ARHGEF26: variants seen among roughly 807,000 people sequenced by gnomAD.
ARHGEF26 encodes the protein Rho guanine nucleotide exchange factor 26.
ARHGEF26 carries 59 observed loss-of-function variants against 89.4 expected under a neutral mutation model. The observed-to-expected ratio is 0.66, with a 90% CI of 0.54 to 0.82. The LOEUF is 0.82. Among genes scored for constraint, ARHGEF26 ranks in the 40% least tolerant of loss-of-function variants. ARHGEF26 has a pLI of 0.00. For missense variants in ARHGEF26, 1,234 were observed against 1,085.6 expected, an observed-to-expected ratio of 1.14 and a Z score of -1.92; for synonymous variants, 500 against 428.4, an observed-to-expected ratio of 1.17 and a Z score of -2.06.
chr3:154,173,437 TAA>T (rs1257267097), intron 6 of ARHGEF26, among the ~76,000 whole-genome samples: 3 of 152,128 alleles, frequency 2.0e-5, no homozygotes, highest in Non-Finnish European at 4.4e-5. Context: ...AATTGAACTG[TAA>T]AAGTTCTCAA....
At chr3:154,127,064 G>A (rs1718374901) in intron 3 of ARHGEF26, among the ~76,000 whole-genome samples, 1 of 152,168 alleles carries the variant, frequency 6.6e-6, no homozygotes, top group South Asian at 2.1e-4. Context: ...ACCGTGAATG[G>A]AGCTTGCAGT....
intron 4 of ARHGEF26, among the ~76,000 whole-genome samples, chr3:154,135,234 A>G (rs1439971821): frequency 6.6e-6 from 1 of 152,026 alleles, no homozygotes; most frequent in African/African-American, 2.4e-5. Context: ...TAGGCTATTT[A>G]TTACTGCCTC....
chr3:154,144,277 A>G (rs1003163218), intron 4 of ARHGEF26, among the ~76,000 whole-genome samples: 1 of 152,152 alleles, frequency 6.6e-6, no homozygotes, highest in South Asian at 2.1e-4. Flanking sequence ...CAGCTTTCCA[A>G]TTATTAGGGT....
intron 4 of ARHGEF26, among the ~76,000 whole-genome samples, chr3:154,132,117 A>G (rs1718713539): frequency 6.6e-6 from 1 of 152,118 alleles, no homozygotes. Flanking sequence ...GCCACTTAGC[A>G]TTACTTAGGC....
intron 3 of ARHGEF26, among the ~76,000 whole-genome samples, chr3:154,128,436 A>G (rs1560040086): frequency 6.6e-6 from 1 of 151,948 alleles, no homozygotes; most frequent in Non-Finnish European, 1.5e-5. Context: ...GCAGGATCTC[A>G]CTATGTTGCC....
chr3:154,183,299 GA>G (rs1167636362), intron 6 of ARHGEF26, among the ~76,000 whole-genome samples: 3 of 151,426 alleles, frequency 2.0e-5, no homozygotes, highest in African/African-American at 7.3e-5. Flanking sequence ...GCTTTACAGG[GA>G]AAAAAAAGAT....
chr3:154,183,528 C>T (rs141324625), intron 6 of ARHGEF26, among the ~76,000 whole-genome samples: 114 of 152,234 alleles, frequency 7.5e-4, no homozygotes, highest in African/African-American at 2.6e-3. Context: ...TTTGATTCAC[C>T]GGCATTCTTG....
intron 6 of ARHGEF26, among the ~76,000 whole-genome samples, chr3:154,186,163 A>ACACACACACACC (rs1302150857): frequency 6.6e-6 from 1 of 150,824 alleles, no homozygotes; most frequent in African/African-American, 2.5e-5. Context: ...ACACACACAC[A>ACACACACACACC]CACCCCTATA....
chr3:154,228,441 T>TTTTTTTTTTCTTTTTC (rs1716627102), intron 11 of ARHGEF26, among the ~76,000 whole-genome samples: 2 of 151,704 alleles, frequency 1.3e-5, no homozygotes, highest in Non-Finnish European at 2.9e-5. Flanking sequence ...CTGGCCTTTT[T>TTTTTTTTTTCTTTTTC]TTTTTTTTCT....
rs35181733 is a variant in ARHGEF26, at chr3:154,208,763, ATT to A, written c.1846-9087_1846-9086del. The stretch of plus-strand genomic sequence containing the variant: ...GTGCAGTATTCAGTATGCCAATTGC[ATT>A]TTTTTTTTTTTTTTTTTTGAGATGG... On this transcript the variant is annotated intron_variant, in intron 9 of 14. Coordinates refer to ENST00000465093, the MANE Select transcript of ARHGEF26 (RefSeq NM_015595.4). Among the ~76,000 whole-genome samples, 9 of 107,358 alleles carry A rather than the reference ATT, an allele frequency of 8.4e-5. No homozygotes were observed. The East Asian group carries it at 8.4e-4, about 10-fold the overall frequency. 70.4% of individuals were successfully genotyped at this position (107,358 alleles called of 152,430 possible). A position where few individuals can be genotyped will look rare whatever the true frequency, so the allele number is the denominator to read the frequency against.
intron 6 of ARHGEF26, among the ~76,000 whole-genome samples, chr3:154,156,336 C>T (rs1720337520): frequency 6.6e-6 from 1 of 151,966 alleles, no homozygotes. Flanking sequence ...AATTTTATCT[C>T]TGTCATAGCT....
intron 10 of ARHGEF26, among the ~76,000 whole-genome samples, chr3:154,222,758 G>A (rs1436099497): frequency 6.6e-6 from 1 of 152,060 alleles, no homozygotes; most frequent in African/African-American, 2.4e-5. Flanking sequence ...GATAACTAGA[G>A]GATTCACAAA....
At position 154,129,689 on chromosome 3, in the gene ARHGEF26, A is replaced by G. The variant is rs1373117813; in HGVS notation, c.1239A>G (p.Pro413=). 3.7e-6 allele frequency: 6 copies of G among 1,612,516 alleles called. No individual in the cohort carries two copies. The highest frequency in any genetic ancestry group is 3.3e-5 in the South Asian group (3 of 90,580). ...AAAAAATTGTGATTCACCATAAGCC[A>G]TTGAGATCCACATGGAGCCAACTCT... ...SDEKIVIHHK[P]LRSTWSQLSA... The change falls in exon 4 of 15, where the codon CCA becomes CCG. Residue 413 remains proline (P), a synonymous_variant. Transcript: ENST00000465093.
At chr3:154,209,452 G>A (rs966320660) in intron 9 of ARHGEF26, among the ~76,000 whole-genome samples, 10 of 152,170 alleles carry the variant, frequency 6.6e-5, no homozygotes, top group African/African-American at 2.4e-4. Flanking sequence ...TGTGATCTAA[G>A]CTGTATCTGC....
intron 4 of ARHGEF26, among the ~76,000 whole-genome samples, chr3:154,135,134 G>T (rs62279469): frequency 7.2e-5 from 11 of 151,908 alleles, no homozygotes; most frequent in Non-Finnish European, 1.5e-4. Flanking sequence ...ATTTTTTTTG[G>T]AATAGTTTCA....
intron 11 of ARHGEF26, among the ~76,000 whole-genome samples, chr3:154,234,440 C>T (rs1194969517): frequency 6.6e-6 from 1 of 152,182 alleles, no homozygotes; most frequent in Non-Finnish European, 1.5e-5. Context: ...AGCAGAAAGA[C>T]CTGTCTTGTC....
chr3:154,174,730 ATTTC>A (rs1171330628), intron 6 of ARHGEF26, among the ~76,000 whole-genome samples: 1 of 152,112 alleles, frequency 6.6e-6, no homozygotes, highest in Non-Finnish European at 1.5e-5. Flanking sequence ...GATCAGGTAG[ATTTC>A]TTTTTTATAG....
intron 4 of ARHGEF26, among the ~76,000 whole-genome samples, chr3:154,148,677 G>A (rs772367979): frequency 2.0e-5 from 3 of 152,118 alleles, no homozygotes; most frequent in Non-Finnish European, 2.9e-5. Context: ...TCCATCTGCC[G>A]GACTTTGGGT....
At chr3:154,173,447 CAATT>C (rs144803002) in intron 6 of ARHGEF26, among the ~76,000 whole-genome samples, 1,781 of 152,198 alleles carry the variant, frequency 0.012, 28 homozygotes, top group African/African-American at 0.041. Flanking sequence ...TAAAAGTTCT[CAATT>C]AATTACAGTT....
Sources: gnomAD v4.1 joint callset for allele counts (sites outside exome capture counted in the v4.1 genomes callset) on GRCh38, gnomAD v4.1.1 for gene constraint, MANE v1.5 for transcripts, NCBI Gene and HGNC (gene_info 2026-07-23, HGNC 2026-07-21) for gene names.